The following LINGO2 variants were observed in gnomAD, a reference collection of about 807,000 sequenced individuals.
The protein encoded by LINGO2 is leucine-rich repeat and immunoglobulin-like domain-containing nogo receptor-interacting protein 2.
LINGO2 carries 14 observed loss-of-function variants against 30.6 expected under a neutral mutation model. The observed-to-expected ratio is 0.46, with a 90% CI of 0.30 to 0.72. LINGO2 has a LOEUF of 0.72. Among genes scored for constraint, LINGO2 ranks in the 30% least tolerant of loss-of-function variants. The pLI is 0.07. For synonymous variants in LINGO2, 317 were observed against 288.5 expected (o/e 1.10, Z -1.00); for missense variants, 729 against 751.7 (o/e 0.97, Z 0.35).
the LINGO2 span, among the ~76,000 whole-genome samples, chr9:28,691,354 T>G: frequency 2.0e-5 from 3 of 152,214 alleles, no homozygotes; most frequent in African/African-American, 4.8e-5. Flanking sequence ...TGGGTAAAGT[T>G]GACTGGTTGA....
the LINGO2 span, among the ~76,000 whole-genome samples, chr9:28,764,896 T>C: frequency 6.6e-6 from 1 of 152,052 alleles, no homozygotes; most frequent in South Asian, 2.1e-4. Context: ...ACTACTGCAT[T>C]TATGATAGCA....
chr9:28,045,648 A>G (rs1035081902), intron 4 of LINGO2, among the ~76,000 whole-genome samples: 2 of 152,178 alleles, frequency 1.3e-5, no homozygotes, highest in Non-Finnish European at 2.9e-5. Context: ...ATACTTACAG[A>G]TATTTTTAAA....
the LINGO2 span, among the ~76,000 whole-genome samples, chr9:28,968,870 G>A: frequency 5.9e-5 from 9 of 152,066 alleles, no homozygotes; most frequent in Admixed American, 1.3e-4. Context: ...ATCAAACCAC[G>A]ACAGAGTGCA....
At chr9:28,065,140 TTTGGAGTGGGATTGGGAGAGATCAAACTG>T (rs1180256895) in intron 4 of LINGO2, among the ~76,000 whole-genome samples, 1 of 151,812 alleles carries the variant, frequency 6.6e-6, no homozygotes, top group African/African-American at 2.4e-5. Flanking sequence ...CGTGGCTTGC[TTTGGAGTGGGATTGGGAGAGATCAAACTG>T]TTGGTTTTTC....
chr9:28,892,251 T>C, the LINGO2 span, among the ~76,000 whole-genome samples: 1 of 152,114 alleles, frequency 6.6e-6, no homozygotes, highest in Non-Finnish European at 1.5e-5. Flanking sequence ...GGTCAAGTTC[T>C]CAAGTTTGAG....
intron 4 of LINGO2, among the ~76,000 whole-genome samples, chr9:28,141,236 T>A (rs922459549): frequency 6.6e-6 from 1 of 152,230 alleles, no homozygotes; most frequent in Non-Finnish European, 1.5e-5. Flanking sequence ...TGGCCCTCAC[T>A]TTGGAATTTT....
At chr9:28,161,107 GAAT>G (rs1828272703) in intron 4 of LINGO2, among the ~76,000 whole-genome samples, 1 of 152,136 alleles carries the variant, frequency 6.6e-6, no homozygotes, top group Non-Finnish European at 1.5e-5. Context: ...AAAATTCAAA[GAAT>G]AATATGAACA....
At chr9:28,223,608 T>C (rs949562278) in intron 4 of LINGO2, among the ~76,000 whole-genome samples, 2 of 152,010 alleles carry the variant, frequency 1.3e-5, no homozygotes, top group Non-Finnish European at 2.9e-5. Context: ...GAAAAGAAGA[T>C]GGAAACAAAA....
chr9:28,051,202 A>C (rs1316695790), intron 4 of LINGO2, among the ~76,000 whole-genome samples: 1 of 151,784 alleles, frequency 6.6e-6, no homozygotes, highest in African/African-American at 2.4e-5. Flanking sequence ...CATGACTACA[A>C]CACCATCAGC....
chr9:28,848,157 CATAT>C, the LINGO2 span, among the ~76,000 whole-genome samples: 1 of 79,272 alleles, frequency 1.3e-5, no homozygotes, highest in Non-Finnish European at 2.2e-5. Context: ...TATATATACG[CATAT>C]ATAGTGTGTA....
chr9:28,459,951 T>C (rs1327484254), intron 2 of LINGO2, among the ~76,000 whole-genome samples: 2 of 152,154 alleles, frequency 1.3e-5, no homozygotes, highest in Non-Finnish European at 2.9e-5. Context: ...CAAAAAATTA[T>C]TTTAATAAGG....
chr9:29,145,048 G>A, the LINGO2 span, among the ~76,000 whole-genome samples: 1 of 152,060 alleles, frequency 6.6e-6, no homozygotes, highest in Non-Finnish European at 1.5e-5. Flanking sequence ...GAGGTTTTTG[G>A]TTCCTATGTC....
At chr9:28,903,885 C>T in the LINGO2 span, among the ~76,000 whole-genome samples, 1 of 148,526 alleles carries the variant, frequency 6.7e-6, no homozygotes, top group Admixed American at 6.9e-5. Flanking sequence ...CTGCATTTGC[C>T]TGATACCAAA....
chr9:28,433,934 T>TCC (rs1296104132), intron 2 of LINGO2, among the ~76,000 whole-genome samples: 41 of 60,026 alleles, frequency 6.8e-4, no homozygotes, highest in Non-Finnish European at 1.6e-3. Flanking sequence ...TCTCTCTCTC[T>TCC]CTCTCTCTCT....
chr9:28,991,471 T>A, the LINGO2 span, among the ~76,000 whole-genome samples: 1 of 146,314 alleles, frequency 6.8e-6, no homozygotes, highest in African/African-American at 2.5e-5. Context: ...ACTTCCCCAA[T>A]CTAGCAAGGC....
chr9:28,552,094 T>C (rs536068916), intron 1 of LINGO2, among the ~76,000 whole-genome samples: 2 of 152,088 alleles, frequency 1.3e-5, no homozygotes, highest in Non-Finnish European at 2.9e-5. Flanking sequence ...ATATCCCATA[T>C]ATCACTTTTG....
chr9:28,773,432 G>C, the LINGO2 span, among the ~76,000 whole-genome samples: 2 of 151,724 alleles, frequency 1.3e-5, no homozygotes, highest in South Asian at 4.2e-4. Flanking sequence ...TTTATGTATG[G>C]TGAGGGGTAC....
chr9:28,957,172 GCACTAAGA>G, the LINGO2 span, among the ~76,000 whole-genome samples: 1 of 152,058 alleles, frequency 6.6e-6, no homozygotes, highest in Non-Finnish European at 1.5e-5. Context: ...CATCAGCATC[GCACTAAGA>G]CACTGTGCAT....
the LINGO2 span, among the ~76,000 whole-genome samples, chr9:28,783,955 T>C: frequency 6.6e-6 from 1 of 152,164 alleles, no homozygotes; most frequent in African/African-American, 2.4e-5. Flanking sequence ...CTTCTCCCCT[T>C]ATAAAGACAC....
Sources: gnomAD v4.1 joint callset for allele counts (sites outside exome capture counted in the v4.1 genomes callset) on GRCh38, gnomAD v4.1.1 for gene constraint, MANE v1.5 for transcripts, NCBI Gene and HGNC (gene_info 2026-07-23, HGNC 2026-07-21) for gene names.